Variants in SLCO3A1 observed in about 807,000 individuals in gnomAD.
SLCO3A1 encodes PGE1 transporter.
In SLCO3A1, 27 loss-of-function variants were observed where a neutral mutation model predicts 63.1. That is an observed-to-expected ratio of 0.43 (90% confidence interval 0.32 to 0.59). The LOEUF (loss-of-function observed/expected upper bound fraction) is 0.59, where lower values mean the gene tolerates loss of function less well. SLCO3A1 is among the 20% of genes least tolerant of loss of function. The pLI is 0.09. For missense variants in SLCO3A1, 773 were observed against 945.8 expected (o/e 0.82, Z 2.40); for synonymous variants, 473 against 409.9 (o/e 1.15, Z -1.86).
chr15:92,166,473 T>G (rs2048494292), downstream of SLCO3A1, among the ~76,000 whole-genome samples: 1 of 152,208 alleles, frequency 6.6e-6, no homozygotes, highest in South Asian at 2.1e-4. Flanking sequence ...GTGCTGACTT[T>G]TAAAGATTGG....
intron 2 of SLCO3A1, among the ~76,000 whole-genome samples, chr15:92,030,879 A>G (rs1026088527): frequency 5.9e-5 from 9 of 152,174 alleles, no homozygotes; most frequent in Non-Finnish European, 1.2e-4. Flanking sequence ...CCCTTGACTC[A>G]GCAGTTGGAT....
chr15:91,949,518 T>G (rs1011241891), intron 2 of SLCO3A1, among the ~76,000 whole-genome samples: 6 of 152,138 alleles, frequency 3.9e-5, no homozygotes, highest in Non-Finnish European at 8.8e-5. Context: ...TAATCCTAGC[T>G]ACTCCGGAGG....
At chr15:92,058,175 G>A (rs756832611) in intron 2 of SLCO3A1, among the ~76,000 whole-genome samples, 13 of 152,178 alleles carry the variant, frequency 8.5e-5, no homozygotes, top group Non-Finnish European at 1.9e-4. Context: ...GAGTGTGTGT[G>A]TGTGTGTTTG....
chr15:91,923,753 T>G (rs916213808), intron 2 of SLCO3A1, among the ~76,000 whole-genome samples: 1 of 152,254 alleles, frequency 6.6e-6, no homozygotes, highest in Non-Finnish European at 1.5e-5. Context: ...ATTCCAGCCT[T>G]TTTTCTTTGT....
At position 91,948,953 on chromosome 15, in the gene SLCO3A1, C is replaced by T. The variant is rs1446977750; in HGVS notation, c.646+32495C>T. 2.0e-5 allele frequency among the ~76,000 whole-genome samples: 3 copies of T among 151,732 alleles called. No individual in the cohort carries two copies. Among genetic ancestry groups the T allele is most frequent in the African/African-American group, 4.8e-5 (2 of 41,258 alleles). On this transcript the variant is annotated intron_variant, in intron 2 of 9. Coordinates refer to ENST00000318445, the MANE Select transcript of SLCO3A1 (RefSeq NM_013272.4). This position sits in a 1 kb window ranked among gnomAD's most constrained non-coding sequence, Gnocchi z 4.8. ...TTTTTTTTTTTTACTATTATTTCTG[C>T]TTACCTCACCTTTTGGGGGAATCAT...
intron 2 of SLCO3A1, among the ~76,000 whole-genome samples, chr15:91,943,234 C>G (rs570796580): frequency 1.6e-4 from 25 of 152,266 alleles, no homozygotes; most frequent in Admixed American, 1.3e-3. Context: ...AAACAACTCC[C>G]CATTCCCCCT....
chr15:92,163,599 C>A lies in SLCO3A1; in HGVS notation c.*464C>A, dbSNP rs1439019133. 2.0e-6 allele frequency: 2 copies of A among 984,296 alleles called. No individual in the cohort carries two copies. Among genetic ancestry groups the A allele is most frequent in the Non-Finnish European group, 2.4e-6 (2 of 829,710 alleles). The allele number at this position is 984,296 out of a possible 1,614,324, so 61.0% of individuals were successfully genotyped here. A position where few individuals can be genotyped will look rare whatever the true frequency, so the allele number is the denominator to read the frequency against. ...AAGTTGAAAACATTGCCAGATTAAG[C>A]ACTAGTGACACACCCCGTGCCACCC... On this transcript the variant is annotated 3_prime_UTR_variant, in exon 10 of 10. Coordinates refer to ENST00000318445, the MANE Select transcript of SLCO3A1 (RefSeq NM_013272.4).
At chr15:92,147,838 G>C (rs750269106) in intron 8 of SLCO3A1, among the ~76,000 whole-genome samples, 5 of 152,184 alleles carry the variant, frequency 3.3e-5, no homozygotes, top group Non-Finnish European at 7.3e-5. Flanking sequence ...ATCATTTGCA[G>C]AGTTACCTAG....
At chr15:92,159,295 G>A (rs1474532691) in intron 9 of SLCO3A1, among the ~76,000 whole-genome samples, 2 of 152,014 alleles carry the variant, frequency 1.3e-5, no homozygotes, top group Non-Finnish European at 2.9e-5. Context: ...GACCATCCTG[G>A]CCAACATAGT....
intron 2 of SLCO3A1, among the ~76,000 whole-genome samples, chr15:92,062,586 A>T (rs912024005): frequency 6.6e-6 from 1 of 152,216 alleles, no homozygotes; most frequent in Non-Finnish European, 1.5e-5. Flanking sequence ...GCTTGGCAAC[A>T]GGAGACTGGT....
rs563594849 is a variant in SLCO3A1, at chr15:91,954,745, C to T, written c.646+38287C>T. Reference sequence around the variant, plus strand: ...AAAGATGGGGAGAGGGGTTGACCTGCGAAGCACCCTCTGCTTCCTCCTTCC... The same window carrying T: ...AAAGATGGGGAGAGGGGTTGACCTGTGAAGCACCCTCTGCTTCCTCCTTCC... On this transcript the variant is annotated intron_variant, in intron 2 of 9. Coordinates refer to ENST00000318445, the MANE Select transcript of SLCO3A1 (RefSeq NM_013272.4). This position sits in a 1 kb window ranked among gnomAD's most constrained non-coding sequence, Gnocchi z 4.7. Among the ~76,000 whole-genome samples the T allele has an allele frequency of 1.6e-4, 24 of 152,102 alleles. No individual in the cohort carries two copies. In the South Asian group the frequency reaches 2.9e-3, roughly 18 times the overall value.
intron 1 of SLCO3A1, among the ~76,000 whole-genome samples, chr15:91,870,941 T>C (rs1437208778): frequency 3.9e-5 from 6 of 152,106 alleles, no homozygotes; most frequent in Admixed American, 3.9e-4. Context: ...TCTTATTAAG[T>C]TCTATGGCTC....
intron 2 of SLCO3A1, among the ~76,000 whole-genome samples, chr15:91,978,478 C>T (rs1050314890): frequency 6.6e-6 from 1 of 152,166 alleles, no homozygotes; most frequent in Non-Finnish European, 1.5e-5. Context: ...TCATCTAAGC[C>T]CTGGTCCATA....
At position 91,885,212 on chromosome 15, in the gene SLCO3A1, T is replaced by C. The variant is rs1354035161; in HGVS notation, c.181-30781T>C. 1.3e-5 allele frequency among the ~76,000 whole-genome samples: 2 copies of C among 152,168 alleles called. No individual in the cohort carries two copies. Among genetic ancestry groups the C allele is most frequent in the African/African-American group, 2.4e-5 (1 of 41,442 alleles). On this transcript the variant is annotated intron_variant, in intron 1 of 9. Transcript: ENST00000318445. The surrounding 1 kb of genome is among the most constrained non-coding windows in gnomAD (Gnocchi z 4.7). ...CTCTTTGCTCCCTTTGGCGTCACTC[T>C]CCACGCCCAGTAACGAAGCCCCACC...
intron 1 of SLCO3A1, among the ~76,000 whole-genome samples, chr15:91,901,913 TC>T (rs773053259): frequency 2.4e-3 from 356 of 150,012 alleles, no homozygotes; most frequent in Non-Finnish European, 4.1e-3. Context: ...AATTTTTTTT[TC>T]TGCCTCTTTC....
At chr15:92,120,071 A>T (rs182032035) in intron 4 of SLCO3A1, among the ~76,000 whole-genome samples, 1 of 150,652 alleles carries the variant, frequency 6.6e-6, no homozygotes, top group Admixed American at 6.6e-5. Flanking sequence ...ACTTTATTTT[A>T]TATAAACACA....
At chr15:92,055,190 C>T (rs111369166) in intron 2 of SLCO3A1, among the ~76,000 whole-genome samples, 1,726 of 152,228 alleles carry the variant, frequency 0.011, 29 homozygotes, top group African/African-American at 0.039. Flanking sequence ...ATTTGCATTT[C>T]TCTAATCAGT....
Position 92,134,347 on chromosome 15 carries a change from C to T in SLCO3A1, c.1512+5858C>T, listed in dbSNP as rs116725766. Among the ~76,000 whole-genome samples, 631 of 152,264 alleles carry T rather than the reference C, an allele frequency of 4.1e-3. 7 individuals carry two copies. The highest frequency in any genetic ancestry group is 0.014 in the African/African-American group (592 of 41,540). On this transcript the variant is annotated intron_variant, in intron 7 of 9. Coordinates refer to ENST00000318445, the MANE Select transcript of SLCO3A1 (RefSeq NM_013272.4). ...ATCAAACCCTACTGGGGCATCGCCA[C>T]CTGGGACACCTGATATATCTCAGGC...
At chr15:92,038,963 A>G (rs376725557) in intron 2 of SLCO3A1, among the ~76,000 whole-genome samples, 3 of 152,314 alleles carry the variant, frequency 2.0e-5, no homozygotes, top group East Asian at 3.9e-4. Flanking sequence ...ATCTACAACC[A>G]TCTGATCTTC....
Sources: allele counts gnomAD v4.1 joint callset (sites outside exome capture counted in the v4.1 genomes callset), GRCh38; gene constraint gnomAD v4.1.1; non-coding constraint Gnocchi (gnomAD v3.1); transcripts MANE v1.5; gene names NCBI Gene and HGNC (gene_info 2026-07-23, HGNC 2026-07-21).